The following ARMC2 variants were observed in gnomAD, a reference collection of about 807,000 sequenced individuals.
The protein encoded by ARMC2 is armadillo repeat-containing protein 2.
Under a neutral mutation model 90.3 loss-of-function variants are expected in ARMC2, and 67 were observed. The ratio of observed to expected loss-of-function variants is 0.74; its 90% CI spans 0.61 to 0.91. The LOEUF (loss-of-function observed/expected upper bound fraction) is 0.91. Ranked by LOEUF, ARMC2 falls within the 40% of genes least tolerant of loss-of-function variation. The pLI, the probability that ARMC2 is intolerant of heterozygous loss-of-function variation, is 0.00. For missense variants in ARMC2, 920 were observed against 1,030.9 expected (o/e 0.89, Z 1.47); for synonymous variants, 393 against 393.0 (o/e 1.00, Z 0.00).
intron 10 of ARMC2, among the ~76,000 whole-genome samples, chr6:108,920,186 T>G (rs952747594): frequency 4.6e-5 from 7 of 152,032 alleles, no homozygotes; most frequent in Non-Finnish European, 5.9e-5. Flanking sequence ...TTTGTTTTGT[T>G]TTGTTTTTGT....
the ARMC2 span, among the ~76,000 whole-genome samples, chr6:109,024,946 G>T: frequency 2.0e-5 from 3 of 152,312 alleles, no homozygotes; most frequent in South Asian, 6.2e-4. Context: ...AACTGGCAAA[G>T]TAACAGAAAT....
intron 4 of ARMC2, among the ~76,000 whole-genome samples, chr6:108,875,280 G>A (rs1315001809): frequency 6.6e-6 from 1 of 152,182 alleles, no homozygotes; most frequent in Non-Finnish European, 1.5e-5. Flanking sequence ...TTAGAGGTAT[G>A]TTTCAATGCC....
At chr6:108,901,959 T>C (rs1465389454) in intron 7 of ARMC2, among the ~76,000 whole-genome samples, 1 of 152,200 alleles carries the variant, frequency 6.6e-6, no homozygotes, top group Non-Finnish European at 1.5e-5. Context: ...CGTGATGAGC[T>C]CCAGGTTAGC....
chr6:108,874,502 G>A (rs1223203640), intron 4 of ARMC2, among the ~76,000 whole-genome samples: 1 of 152,236 alleles, frequency 6.6e-6, no homozygotes, highest in Non-Finnish European at 1.5e-5. Context: ...GTCATTTAAG[G>A]TGGTGTGGTG....
chr6:108,980,047 G>A, the ARMC2 span, among the ~76,000 whole-genome samples: 3 of 151,994 alleles, frequency 2.0e-5, no homozygotes, highest in African/African-American at 4.8e-5. Context: ...GCAAGGAGTC[G>A]TGATCTTTTG....
intron 11 of ARMC2, among the ~76,000 whole-genome samples, chr6:108,933,615 A>G (rs1157414166): frequency 6.6e-6 from 1 of 152,160 alleles, no homozygotes; most frequent in East Asian, 1.9e-4. Context: ...CTGCAAACAG[A>G]GATAGTTTGA....
intron 1 of ARMC2, chr6:108,848,927 GGTCCGGAGCGGTT>G (rs1419606705): frequency 6.6e-6 from 1 of 152,194 alleles, no homozygotes; most frequent in Non-Finnish European, 1.5e-5. Context: ...TGCTGTCAGG[GGTCCGGAGCGGTT>G]GTCTTTTATT....
chr6:108,948,887 T>G (rs761687807), intron 12 of ARMC2, among the ~76,000 whole-genome samples: 42 of 152,266 alleles, frequency 2.8e-4, no homozygotes, highest in Middle Eastern at 3.4e-3. Flanking sequence ...GGAAATCTAT[T>G]TTTTACCAGG....
At chr6:109,010,778 A>C in the ARMC2 span, among the ~76,000 whole-genome samples, 1 of 152,238 alleles carries the variant, frequency 6.6e-6, no homozygotes, top group Admixed American at 6.5e-5. Flanking sequence ...AAAAGGCTAC[A>C]GAGGCTTCCA....
chr6:108,901,177 A>T (rs1295429249), intron 7 of ARMC2, among the ~76,000 whole-genome samples: 46 of 122,162 alleles, frequency 3.8e-4, no homozygotes, highest in Admixed American at 3.1e-4. Context: ...GCAGTGGCGC[A>T]ATCTCGGCTC....
At chr6:108,915,374 T>C (rs1773847715) in intron 10 of ARMC2, among the ~76,000 whole-genome samples, 1 of 152,162 alleles carries the variant, frequency 6.6e-6, no homozygotes, top group Admixed American at 6.5e-5. Context: ...GCCAAAAAGA[T>C]ACAAGCAGGC....
chr6:108,977,482 G>A (rs1779008349), downstream of ARMC2, among the ~76,000 whole-genome samples: 1 of 152,126 alleles, frequency 6.6e-6, no homozygotes, highest in Non-Finnish European at 1.5e-5. Context: ...ATCTCTGCCA[G>A]GTTTTGGTAT....
intron 6 of ARMC2, among the ~76,000 whole-genome samples, chr6:108,898,274 T>C (rs1458593903): frequency 3.9e-5 from 6 of 152,234 alleles, no homozygotes; most frequent in Non-Finnish European, 7.3e-5. Context: ...TGTCTTTCTC[T>C]GTCTCTTCTC....
chr6:108,934,081 C>G (rs1215928491), intron 11 of ARMC2, among the ~76,000 whole-genome samples: 1 of 152,140 alleles, frequency 6.6e-6, no homozygotes, highest in African/African-American at 2.4e-5. Context: ...AGGCAGGTCT[C>G]AAACTCCTGA....
chr6:108,973,021 T>C (rs1778864819), intron 17 of ARMC2, among the ~76,000 whole-genome samples: 1 of 152,088 alleles, frequency 6.6e-6, no homozygotes. Context: ...CAAAATAGAC[T>C]AATTGTAAAC....
chr6:109,000,571 G>A, the ARMC2 span: 3 of 1,612,048 alleles, frequency 1.9e-6, no homozygotes, highest in Admixed American at 3.3e-5. Flanking sequence ...AGTTTTTGAG[G>A]AGCATTCTCT....
chr6:108,850,139 C>T (rs1393783517), intron 1 of ARMC2, among the ~76,000 whole-genome samples: 2 of 152,168 alleles, frequency 1.3e-5, no homozygotes, highest in Non-Finnish European at 2.9e-5. Flanking sequence ...AATTATGACT[C>T]TGAGCTTTCA....
chr6:108,868,383 A>G (rs1490098070), intron 3 of ARMC2, among the ~76,000 whole-genome samples: 4 of 151,836 alleles, frequency 2.6e-5, no homozygotes, highest in Non-Finnish European at 4.4e-5. Context: ...TGCCCAGCCT[A>G]TTTTTGTATT....
chr6:108,885,505 A>G (rs1023146036), intron 5 of ARMC2, among the ~76,000 whole-genome samples: 2 of 152,054 alleles, frequency 1.3e-5, no homozygotes, highest in African/African-American at 2.4e-5. Flanking sequence ...CATGCCCAAC[A>G]TGGTGAAATC....
Sources: gnomAD v4.1 joint callset for allele counts (sites outside exome capture counted in the v4.1 genomes callset) on GRCh38, gnomAD v4.1.1 for gene constraint, MANE v1.5 for transcripts, NCBI Gene and HGNC (gene_info 2026-07-23, HGNC 2026-07-21) for gene names.